The following PAPPA2 variants were observed in gnomAD, a reference collection of about 807,000 sequenced individuals.
The protein encoded by PAPPA2 is pappalysin 2.
In PAPPA2, 86 loss-of-function variants were observed where a neutral mutation model predicts 176.4. The ratio of observed to expected loss-of-function variants is 0.49; its 90% CI spans 0.41 to 0.58. The LOEUF (loss-of-function observed/expected upper bound fraction) is 0.58, where lower values mean the gene tolerates loss of function less well. PAPPA2 is among the 20% of genes least tolerant of loss of function. PAPPA2 has a pLI of 0.00. For synonymous variants in PAPPA2, 809 were observed against 852.2 expected (o/e 0.95, Z 0.88); for missense variants, 2,073 against 2,256.9 (o/e 0.92, Z 1.65).
chr1:176,497,259 T>G (rs1647682095), intron 1 of PAPPA2, among the ~76,000 whole-genome samples: 1 of 152,194 alleles, frequency 6.6e-6, no homozygotes, highest in Non-Finnish European at 1.5e-5. Flanking sequence ...CTGTAGACCT[T>G]CATTTTGGGC....
intron 21 of PAPPA2, among the ~76,000 whole-genome samples, chr1:176,800,869 C>T (rs1051547279): frequency 6.6e-6 from 1 of 152,162 alleles, no homozygotes; most frequent in Admixed American, 6.5e-5. Context: ...CAAACTAGAC[C>T]TTTACCACCT....
intron 3 of PAPPA2, among the ~76,000 whole-genome samples, chr1:176,601,687 A>G (rs1161731280): frequency 3.3e-5 from 5 of 152,212 alleles, no homozygotes. Context: ...AAGGGTGTTG[A>G]GTGTCCACTT....
At chr1:176,619,319 A>G (rs183932580) in intron 3 of PAPPA2, among the ~76,000 whole-genome samples, 163 of 152,378 alleles carry the variant, frequency 1.1e-3, no homozygotes, top group African/African-American at 3.6e-3. Context: ...AGCAACTTAT[A>G]TCTACACAAG....
rs76287260 is a variant in PAPPA2 at position 176,758,942 on chromosome 1, A to G, written c.4152-6724A>G. Among the ~76,000 whole-genome samples, 23 of 152,288 alleles carry G rather than the reference A, an allele frequency of 1.5e-4. No homozygotes were observed. In the East Asian group the frequency reaches 3.7e-3, roughly 24 times the overall value. Reference sequence around the variant, plus strand: ...GAAGTCAGTTCAACCCCATCATTTTACTAATTTGCAGATGGAAGGCCAAGA... The same window carrying G: ...GAAGTCAGTTCAACCCCATCATTTTGCTAATTTGCAGATGGAAGGCCAAGA... On this transcript the variant is annotated intron_variant, in intron 14 of 22. Transcript: ENST00000367662.
intron 1 of PAPPA2, among the ~76,000 whole-genome samples, chr1:176,476,616 G>A (rs182030207): frequency 6.2e-4 from 95 of 152,258 alleles, no homozygotes; most frequent in Middle Eastern, 3.4e-3. Flanking sequence ...GCTCTAGATT[G>A]CCAAAATGCA....
At chr1:176,496,645 T>C (rs1647646309) in intron 1 of PAPPA2, among the ~76,000 whole-genome samples, 1 of 152,180 alleles carries the variant, frequency 6.6e-6, no homozygotes, top group African/African-American at 2.4e-5. Context: ...TTATTGCTCA[T>C]GAAGTCATCT....
chr1:176,689,514 G>C (rs190878415), intron 4 of PAPPA2, among the ~76,000 whole-genome samples: 85 of 152,140 alleles, frequency 5.6e-4, no homozygotes, highest in African/African-American at 2.0e-3. Context: ...ATCAGAAGCA[G>C]TCTACACAGC....
intron 1 of PAPPA2, among the ~76,000 whole-genome samples, chr1:176,552,313 TCC>T: frequency 6.7e-6 from 1 of 149,894 alleles, no homozygotes; most frequent in Non-Finnish European, 1.5e-5. Context: ...TTTTACCCTC[TCC>T]TCCTCCATCT....
intron 1 of PAPPA2, among the ~76,000 whole-genome samples, chr1:176,504,890 C>T (rs533735219): frequency 9.2e-5 from 14 of 152,082 alleles, no homozygotes; most frequent in African/African-American, 2.2e-4. Context: ...GAAGATAATA[C>T]GGAACAGAGC....
intron 14 of PAPPA2, 77 bp downstream of exon 14, chr1:176,740,273 G>A (rs945431585): frequency 1.2e-5 from 16 of 1,384,776 alleles, no homozygotes; most frequent in East Asian, 9.8e-5. Flanking sequence ...ATAGTGTTAT[G>A]TATAGAGTGT....
chr1:176,604,829 A>G (rs1180713563), intron 3 of PAPPA2, among the ~76,000 whole-genome samples: 1 of 152,234 alleles, frequency 6.6e-6, no homozygotes, highest in African/African-American at 2.4e-5. Context: ...GTAGATGGAA[A>G]ACCAATGACA....
intron 1 of PAPPA2, among the ~76,000 whole-genome samples, chr1:176,497,908 G>C (rs1647719856): frequency 6.6e-6 from 1 of 152,000 alleles, no homozygotes; most frequent in Non-Finnish European, 1.5e-5. Context: ...GGGCAGCACA[G>C]ACTAAATATG....
intron 12 of PAPPA2, among the ~76,000 whole-genome samples, chr1:176,729,261 T>G (rs1444347906): frequency 6.6e-6 from 1 of 152,060 alleles, no homozygotes; most frequent in East Asian, 1.9e-4. Flanking sequence ...TCCTAATGAT[T>G]GTAGTCTCGA....
intron 2 of PAPPA2, among the ~76,000 whole-genome samples, chr1:176,582,988 AT>A (rs1313477179): frequency 1.3e-5 from 2 of 152,154 alleles, no homozygotes; most frequent in East Asian, 3.8e-4. Flanking sequence ...GGCAGGTTGC[AT>A]GGTCCAGGAA....
Position 176,739,689 on chromosome 1 carries a change from G to A in PAPPA2, c.3862G>A (p.Val1288Ile). The change falls in exon 13 of 23, where the codon GTT becomes ATT. Residue 1288 changes from valine (V) to isoleucine (I), a missense_variant. Transcript: ENST00000367662. Reference sequence around the variant, plus strand: ...TATTTTTTTGACAACTGATGGCCTAGTTCCCGGAGAGCATCAGCAGCCGAC... The same window carrying A: ...TATTTTTTTGACAACTGATGGCCTAATTCCCGGAGAGCATCAGCAGCCGAC... ...IFIFLTTDGL[V>I]PGEHQQPTVT... 1 of 1,613,676 alleles carries A rather than the reference G, an allele frequency of 6.2e-7. No individual in the cohort carries two copies. Among genetic ancestry groups the A allele is most frequent in the Non-Finnish European group, 8.5e-7 (1 of 1,179,790 alleles).
chr1:176,775,952 A>G (rs1664442739), intron 17 of PAPPA2, among the ~76,000 whole-genome samples: 2 of 152,166 alleles, frequency 1.3e-5, no homozygotes, highest in Non-Finnish European at 2.9e-5. Context: ...GCAGAATTGT[A>G]ACTCCAAGGA....
intron 3 of PAPPA2, among the ~76,000 whole-genome samples, chr1:176,633,043 C>G (rs1656437230): frequency 6.6e-6 from 1 of 151,986 alleles, no homozygotes; most frequent in East Asian, 1.9e-4. Flanking sequence ...TACATCTAAT[C>G]TTCACAATAA....
chr1:176,801,202 T>A (rs997291509), intron 21 of PAPPA2, among the ~76,000 whole-genome samples: 2 of 151,894 alleles, frequency 1.3e-5, no homozygotes, highest in Middle Eastern at 3.4e-3. Flanking sequence ...GGTTTTGTCA[T>A]CCATATCTCA....
chr1:176,784,217 T>C (rs940344716), intron 17 of PAPPA2, among the ~76,000 whole-genome samples: 15 of 152,236 alleles, frequency 9.9e-5, no homozygotes, highest in Non-Finnish European at 1.5e-5. Flanking sequence ...AGGGCCTGTT[T>C]GTCTAGTATC....
Sources: gnomAD v4.1 joint callset for allele counts (sites outside exome capture counted in the v4.1 genomes callset) on GRCh38, gnomAD v4.1.1 for gene constraint, MANE v1.5 for transcripts, NCBI Gene and HGNC (gene_info 2026-07-23, HGNC 2026-07-21) for gene names.